MYO5C: variants seen among roughly 807,000 people sequenced by gnomAD.
MYO5C encodes unconventional myosin-Vc.
In MYO5C, 194 loss-of-function variants were observed where a neutral mutation model predicts 235.7. The ratio of observed to expected loss-of-function variants is 0.82; its 90% confidence interval spans 0.73 to 0.93. The LOEUF is 0.93. MYO5C is among the 40% of genes least tolerant of loss of function. The probability of loss-of-function intolerance (pLI) is 0.00; values close to 1 mark genes in which losing one functional copy is unlikely to be tolerated. For synonymous variants in MYO5C, 707 were observed against 754.8 expected, an observed-to-expected ratio of 0.94 and a Z score of 1.04; for missense variants, 2,038 against 2,127.2, an observed-to-expected ratio of 0.96 and a Z score of 0.82.
intron 40 of MYO5C, among the ~76,000 whole-genome samples, chr15:52,194,402 TTTC>T (rs1255606973): frequency 1.3e-5 from 2 of 152,218 alleles, no homozygotes; most frequent in Non-Finnish European, 1.5e-5. Context: ...TGAACCCATC[TTTC>T]TTCTTCATTC....
intron 1 of MYO5C, among the ~76,000 whole-genome samples, chr15:52,290,939 T>A (rs1206645266): frequency 3.3e-5 from 5 of 152,218 alleles, no homozygotes; most frequent in African/African-American, 1.2e-4. Flanking sequence ...TGTCAGGTGC[T>A]GTGCTAAGGA....
intron 9 of MYO5C, among the ~76,000 whole-genome samples, chr15:52,263,087 ACT>A (rs1202383114): frequency 2.0e-5 from 3 of 152,048 alleles, no homozygotes; most frequent in Admixed American, 1.3e-4. Context: ...CCAGGCTGAC[ACT>A]CTGTTCTCAG....
At position 52,271,843 on chromosome 15, in the gene MYO5C, G is replaced by A. The variant is rs767111846; in HGVS notation, c.752C>T (p.Ser251Leu). Reference protein sequence around the residue: ...LLEKSRVVFQSENERNYHIFY... With the variant: ...LLEKSRVVFQLENERNYHIFY... The stretch of plus-strand genomic sequence containing the variant: ...AATGTGGTAATTTCGTTCATTTTCC[G>A]ACTGTAAGATAAAGAAATGTCCTCA... Residue 251 changes from serine (S) to leucine (L), a missense_variant and splice_region_variant, in exon 7 of 41, where the codon TCG becomes TTG. Ser to Leu is a moderately radical substitution (Grantham distance 145). Coordinates refer to ENST00000261839, the MANE Select transcript of MYO5C (RefSeq NM_018728.4). The A allele has an allele frequency of 5.7e-6, 9 of 1,581,852 alleles. No individual in the cohort carries two copies. Among genetic ancestry groups the A allele is most frequent in the African/African-American group, 2.7e-5 (2 of 74,214 alleles).
chr15:52,262,689 C>T (rs913873862), intron 9 of MYO5C, among the ~76,000 whole-genome samples: 4 of 152,190 alleles, frequency 2.6e-5, no homozygotes, highest in East Asian at 1.9e-4. Context: ...AGGCCTAAAA[C>T]GCTAAGCCCA....
At position 52,193,809 on chromosome 15, in the gene MYO5C, A is replaced by G; in HGVS notation, c.*93T>C. Reference sequence around the variant, plus strand: ...AAGTCTGTTTTCTTCCTTAAATCACATTCCAATTTCCACTGCCAATTAATA... The same window carrying G: ...AAGTCTGTTTTCTTCCTTAAATCACGTTCCAATTTCCACTGCCAATTAATA... On this transcript the variant is annotated 3_prime_UTR_variant, in exon 41 of 41. Transcript: ENST00000261839. The G allele has an allele frequency of 7.2e-7, 1 of 1,386,404 alleles. No homozygotes were observed. Among genetic ancestry groups the G allele is most frequent in the Non-Finnish European group, 9.9e-7 (1 of 1,009,562 alleles). The allele number at this position is 1,386,404 out of a possible 1,614,324, so 85.9% of individuals were successfully genotyped here. A position where few individuals can be genotyped will look rare whatever the true frequency, so the allele number is the denominator to read the frequency against.
At chr15:52,245,689 G>C (rs757827365) in intron 17 of MYO5C, among the ~76,000 whole-genome samples, 15 of 152,182 alleles carry the variant, frequency 9.9e-5, no homozygotes, top group African/African-American at 3.6e-4. Context: ...CCCACTCAGC[G>C]TCTTCCCTAG....
intron 21 of MYO5C, 108 bp downstream of exon 21, chr15:52,239,625 C>G (rs2036168056): frequency 8.2e-7 from 1 of 1,220,272 alleles, no homozygotes; most frequent in Non-Finnish European, 1.1e-6. Context: ...GTAAACTGAA[C>G]CTCCTAACAT....
intron 12 of MYO5C, 85 bp from the exon 13 acceptor site, chr15:52,251,600 A>G (rs895381578): frequency 1.8e-6 from 2 of 1,097,268 alleles, no homozygotes; most frequent in African/African-American, 1.6e-5. Context: ...TAAGAAACCA[A>G]GGTGATTTGG....
intron 38 of MYO5C, among the ~76,000 whole-genome samples, chr15:52,199,237 T>G (rs1305485874): frequency 6.6e-6 from 1 of 152,184 alleles, no homozygotes; most frequent in East Asian, 1.9e-4. Context: ...GGCTCCCATC[T>G]CAGCCCTTCT....
At chr15:52,203,269 A>C (rs1008475080) in intron 38 of MYO5C, among the ~76,000 whole-genome samples, 15 of 152,272 alleles carry the variant, frequency 9.9e-5, no homozygotes, top group African/African-American at 3.6e-4. Context: ...TAAGCACATC[A>C]AGGAGAATAG....
intron 31 of MYO5C, 37 bp from the exon 32 acceptor site, chr15:52,218,724 G>A (rs775075235): frequency 1.6e-5 from 25 of 1,604,710 alleles, no homozygotes; most frequent in Non-Finnish European, 2.0e-5. Context: ...GTATCAGTAT[G>A]ACGGTCATGG....
At chr15:52,233,377 C>G (rs889996153) in intron 23 of MYO5C, among the ~76,000 whole-genome samples, 2 of 152,018 alleles carry the variant, frequency 1.3e-5, no homozygotes, top group Admixed American at 6.6e-5. Flanking sequence ...GTTTCTCGGT[C>G]TTGGCACTAT....
intron 38 of MYO5C, among the ~76,000 whole-genome samples, chr15:52,202,793 A>G (rs1242858402): frequency 1.3e-5 from 2 of 152,164 alleles, no homozygotes; most frequent in African/African-American, 4.8e-5. Context: ...CCAACTCCAA[A>G]GTTTCACTAA....
chr15:52,231,207 G>C (rs2035944741), intron 24 of MYO5C, among the ~76,000 whole-genome samples: 1 of 152,148 alleles, frequency 6.6e-6, no homozygotes, highest in Non-Finnish European at 1.5e-5. Context: ...AGGCCTCTTG[G>C]AGCCTCCTGA....
chr15:52,233,668 CAA>C lies in MYO5C; in HGVS notation c.2963-985_2963-984del, dbSNP rs2036017405. Among the ~76,000 whole-genome samples, 7 of 152,334 alleles carry C rather than the reference CAA, an allele frequency of 4.6e-5. No homozygotes were observed. In the South Asian group the frequency reaches 1.4e-3, roughly 32 times the overall value. ...AAAGGCAGCTGTTAACACTGAAATA[CAA>C]GAGTCGCAAACACAAAGTCTGCAGG... On this transcript the variant is annotated intron_variant, in intron 23 of 40. Coordinates refer to ENST00000261839, the MANE Select transcript of MYO5C (RefSeq NM_018728.4).
chr15:52,260,930 C>G lies in MYO5C; in HGVS notation c.1245G>C (p.Glu415Asp). ...AAAACTGCAACGCTTGGTTAATTCTCTCCACAATGAAGTCGAACAGGTGAG... is the reference window on the plus strand; with the variant it reads ...AAAACTGCAACGCTTGGTTAATTCTGTCCACAATGAAGTCGAACAGGTGAG... The part of the protein sequence containing the change: ...IYAHLFDFIV[E>D]RINQALQFSG... The change falls in exon 10 of 41, where the codon GAG becomes GAC. Residue 415 changes from glutamate (E) to aspartate (D), a missense_variant. Physicochemically the swap from Glu to Asp is conservative, Grantham distance 45. Coordinates refer to ENST00000261839, the MANE Select transcript of MYO5C (RefSeq NM_018728.4). 1 of 1,614,224 alleles carries G rather than the reference C, an allele frequency of 6.2e-7. No homozygotes were observed. The highest frequency in any genetic ancestry group is 8.5e-7 in the Non-Finnish European group (1 of 1,180,046).
intron 32 of MYO5C, among the ~76,000 whole-genome samples, chr15:52,216,283 T>C (rs140753648): frequency 6.6e-6 from 1 of 152,232 alleles, no homozygotes; most frequent in African/African-American, 2.4e-5. Context: ...AGTGTGATCA[T>C]AGCTCACTGC....
chr15:52,245,305 A>C (rs768303054), intron 18 of MYO5C, 49 bp downstream of exon 18: 6 of 1,184,420 alleles, frequency 5.1e-6, no homozygotes, highest in Non-Finnish European at 7.6e-6. Flanking sequence ...TGTTTGGGAG[A>C]TGTGCTTCCA....
chr15:52,245,982 G>A lies in MYO5C; in HGVS notation c.2040C>T (p.Arg680=). 1 of 1,614,184 alleles carries A rather than the reference G, an allele frequency of 6.2e-7. No individual in the cohort carries two copies. Among genetic ancestry groups the A allele is most frequent in the Middle Eastern group, 1.7e-4 (1 of 6,056 alleles). Reference sequence around the variant, plus strand: ...TGGAAGGGTAGCTCTGTGCACTAATGCGAATCGTTTCTAAAACGCCGCAGG... The same window carrying A: ...TGGAAGGGTAGCTCTGTGCACTAATACGAATCGTTTCTAAAACGCCGCAGG... ...LRACGVLETI[R]ISAQSYPSRW... is the part of the protein sequence containing the mutation. The change falls in exon 17 of 41, where the codon CGC becomes CGT. Residue 680 remains arginine (R), a synonymous_variant. Transcript: ENST00000261839.
Sources: gnomAD v4.1 joint callset for allele counts (sites outside exome capture counted in the v4.1 genomes callset) on GRCh38, gnomAD v4.1.1 for gene constraint, MANE v1.5 for transcripts, NCBI Gene and HGNC (gene_info 2026-07-23, HGNC 2026-07-21) for gene names.